TENT5D: variants seen among roughly 807,000 people sequenced by gnomAD.
TENT5D encodes the protein cancer/testis antigen 112.
For missense variants in TENT5D, 191 were observed against 287.0 expected, an observed-to-expected ratio of 0.67 and a Z score of 2.42; for synonymous variants, 103 against 100.6, an observed-to-expected ratio of 1.02 and a Z score of -0.15.
At chrX:80,414,648 A>C (rs1161427721) in intron 3 of TENT5D, among the ~76,000 whole-genome samples, 1 of 112,101 alleles carries the variant, frequency 8.9e-6, no homozygotes, top group Non-Finnish European at 1.9e-5. Context: ...TAGATAAGAG[A>C]CAAAAGGTTG....
rs1363763297 is a variant in TENT5D at position 80,367,718 on chromosome X, A to G, written c.-142+25154A>G. Among the ~76,000 whole-genome samples the G allele has an allele frequency of 4.5e-5, 5 of 111,817 alleles. No homozygotes were observed. The Admixed American group carries it at 4.8e-4, about 11-fold the overall frequency. On this transcript the variant is annotated intron_variant, in intron 3 of 4. Transcript: ENST00000538312. The stretch of plus-strand genomic sequence containing the variant: ...CATGAATGTAAATGGAGGTCATTAC[A>G]TTAAGTAAAATAAGCCAGATACAGA...
At chrX:80,370,769 C>A (rs187543952) in intron 3 of TENT5D, among the ~76,000 whole-genome samples, 6 of 111,240 alleles carry the variant, frequency 5.4e-5, no homozygotes, top group Admixed American at 4.8e-4. Flanking sequence ...AATTGATAGA[C>A]ATTGGCAATA....
intron 3 of TENT5D, among the ~76,000 whole-genome samples, chrX:80,350,519 C>T (rs186050487): frequency 9.9e-5 from 11 of 110,904 alleles, no homozygotes; most frequent in African/African-American, 3.6e-4. Context: ...TCCCCCATCC[C>T]CTTATTTTGA....
intron 3 of TENT5D, among the ~76,000 whole-genome samples, chrX:80,349,983 AGTTCTAATTTG>A (rs1194724998): frequency 1.8e-5 from 2 of 110,988 alleles, no homozygotes; most frequent in African/African-American, 6.6e-5. Flanking sequence ...CTTAATCCTG[AGTTCTAATTTG>A]ATTGCACTGT....
Position 80,374,701 on chromosome X carries a change from A to T in TENT5D, c.-142+32137A>T, listed in dbSNP as rs1478525777. On this transcript the variant is annotated intron_variant, in intron 3 of 4. Transcript: ENST00000538312. ...ATCATTTTTAATGGTTCACTTTCAT[A>T]CTCAGAAACTTTAGGTCTCCCTGTG... Among the ~76,000 whole-genome samples the T allele has an allele frequency of 2.7e-5, 3 of 111,195 alleles. No individual in the cohort carries two copies. In the Admixed American group the frequency reaches 2.9e-4, roughly 11 times the overall value.
intron 3 of TENT5D, among the ~76,000 whole-genome samples, chrX:80,377,671 T>C (rs747889409): frequency 8.9e-6 from 1 of 112,254 alleles, no homozygotes; most frequent in African/African-American, 3.2e-5. Context: ...GTCTTTGCTG[T>C]TGTGAATAGT....
At chrX:80,406,469 C>T (rs1437369570) in intron 3 of TENT5D, among the ~76,000 whole-genome samples, 1 of 106,720 alleles carries the variant, frequency 9.4e-6, no homozygotes, top group Non-Finnish European at 1.9e-5. Context: ...GCCTCAGGAG[C>T]CGATGTGATC....
chrX:80,418,484 G>T (rs1931821325), upstream of TENT5D, among the ~76,000 whole-genome samples: 1 of 111,009 alleles, frequency 9.0e-6, no homozygotes, highest in African/African-American at 3.3e-5. Flanking sequence ...TGGTCAAATT[G>T]GGAATTATGA....
At chrX:80,413,824 CAGAA>C (rs1569370584) in intron 3 of TENT5D, among the ~76,000 whole-genome samples, 1 of 111,499 alleles carries the variant, frequency 9.0e-6, no homozygotes, top group Non-Finnish European at 1.9e-5. Flanking sequence ...TTGATCAAGT[CAGAA>C]AGAGTTGGTC....
intron 1 of TENT5D, among the ~76,000 whole-genome samples, chrX:80,428,194 G>A (rs1313659832): frequency 8.9e-6 from 1 of 112,173 alleles, no homozygotes; most frequent in African/African-American, 3.2e-5. Context: ...CATTCAGACG[G>A]GGAGTTTTTT....
At chrX:80,345,591 C>A (rs1333822397) in intron 3 of TENT5D, among the ~76,000 whole-genome samples, 1 of 111,778 alleles carries the variant, frequency 8.9e-6, no homozygotes, top group Non-Finnish European at 1.9e-5. Flanking sequence ...ACCCTGTTAG[C>A]ATCCCTGCCT....
rs142570720 is a variant in TENT5D, at chrX:80,388,648, C to G, written c.-142+46084C>G. Among the ~76,000 whole-genome samples the G allele has an allele frequency of 3.1e-4, 35 of 111,983 alleles. 1 individual carries two copies. Among genetic ancestry groups the G allele is most frequent in the Admixed American group, 4.7e-4 (5 of 10,590 alleles). Reference sequence around the variant, plus strand: ...AAAGTTCTATTTATTCTCCCCTCTCCTCCTCTCAAGGGGAAGGAACAAGTC... The same window carrying G: ...AAAGTTCTATTTATTCTCCCCTCTCGTCCTCTCAAGGGGAAGGAACAAGTC... On this transcript the variant is annotated intron_variant, in intron 3 of 4. Transcript: ENST00000538312.
intron 3 of TENT5D, among the ~76,000 whole-genome samples, chrX:80,405,506 A>T (rs1056022189): frequency 1.8e-5 from 2 of 112,348 alleles, no homozygotes; most frequent in Non-Finnish European, 3.8e-5. Context: ...CGCACCTGGA[A>T]AATCGGGTCA....
At chrX:80,359,046 T>C (rs953149638) in intron 3 of TENT5D, among the ~76,000 whole-genome samples, 1 of 111,780 alleles carries the variant, frequency 8.9e-6, no homozygotes, top group Admixed American at 9.5e-5. Flanking sequence ...AACAAACATA[T>C]GAAAAAAAGC....
chrX:80,423,827 C>T (rs926582938), intron 1 of TENT5D, among the ~76,000 whole-genome samples: 1 of 111,453 alleles, frequency 9.0e-6, no homozygotes, highest in African/African-American at 3.3e-5. Context: ...CATTTCTATG[C>T]AGAGTCTTGT....
rs1464602409 is a variant in TENT5D at position 80,370,451 on chromosome X, TTA to T, written c.-142+27891_-142+27892del. 3.0e-4 allele frequency among the ~76,000 whole-genome samples: 34 copies of T among 112,144 alleles called. No homozygotes were observed. The Admixed American group carries it at 3.2e-3, about 11-fold the overall frequency. ...TAAAAATCACCACAAGATATACAATTTATATTTTTCCCAATAGTTTTCTACTC... is the reference window on the plus strand; with the variant it reads ...TAAAAATCACCACAAGATATACAATTTATTTTTCCCAATAGTTTTCTACTC... On this transcript the variant is annotated intron_variant, in intron 3 of 4. Coordinates refer to the TENT5D transcript ENST00000538312.
At chrX:80,418,322 T>A (rs1285521439), upstream of TENT5D, among the ~76,000 whole-genome samples, 2 of 110,701 alleles carry the variant, frequency 1.8e-5, no homozygotes, top group Non-Finnish European at 3.8e-5. Context: ...ACTAATTTTT[T>A]AAATTTTTTT....
At chrX:80,342,140 G>A (rs967760568) in intron 2 of TENT5D, among the ~76,000 whole-genome samples, 1 of 111,363 alleles carries the variant, frequency 9.0e-6, no homozygotes, top group Non-Finnish European at 1.9e-5. Flanking sequence ...TTCAAAATAA[G>A]AATTTATTTT....
At chrX:80,407,988 C>T (rs1378199272) in intron 3 of TENT5D, among the ~76,000 whole-genome samples, 1 of 110,913 alleles carries the variant, frequency 9.0e-6, no homozygotes, top group East Asian at 2.8e-4. Flanking sequence ...GAACAACCTG[C>T]TCCTGAATGA....
Sources: allele counts gnomAD v4.1 joint callset (sites outside exome capture counted in the v4.1 genomes callset), GRCh38; gene constraint gnomAD v4.1.1; transcripts MANE v1.5; gene names NCBI Gene and HGNC (gene_info 2026-07-23, HGNC 2026-07-21).